STIM1: variants seen among roughly 807,000 people sequenced by gnomAD.
The protein encoded by STIM1 is stromal interaction molecule 1.
Under a neutral mutation model 74.7 loss-of-function variants are expected in STIM1, and 25 were observed. The ratio of observed to expected loss-of-function variants is 0.33; its 90% CI spans 0.24 to 0.47. The LOEUF (loss-of-function observed/expected upper bound fraction) is 0.47, where lower values mean the gene tolerates loss of function less well. Ranked by LOEUF, STIM1 falls within the 20% of genes least tolerant of loss-of-function variation. STIM1 has a pLI of 1.00. For synonymous variants in STIM1, 328 were observed against 348.8 expected (o/e 0.94, Z 0.66); for missense variants, 728 against 920.8 (o/e 0.79, Z 2.71).
chr11:4,050,476 A>G (rs2094230689), intron 3 of STIM1, among the ~76,000 whole-genome samples: 1 of 152,236 alleles, frequency 6.6e-6, no homozygotes. Flanking sequence ...TTAAACTAAA[A>G]GACAGTTTAT....
intron 1 of STIM1, among the ~76,000 whole-genome samples, chr11:3,928,109 C>G (rs185356626): frequency 2.0e-5 from 3 of 152,264 alleles, no homozygotes; most frequent in Admixed American, 2.0e-4. Context: ...ATGGGTACTG[C>G]CAATATGTGT....
intron 1 of STIM1, among the ~76,000 whole-genome samples, chr11:3,879,080 C>T (rs1459988305): frequency 2.6e-5 from 4 of 152,178 alleles, no homozygotes; most frequent in Admixed American, 1.3e-4. Context: ...CTCAGCCTCC[C>T]GAGTAGCTGG....
chr11:4,074,826 A>G (rs2094428374), intron 7 of STIM1, 147 bp downstream of exon 7: 3 of 953,644 alleles, frequency 3.1e-6, no homozygotes, highest in South Asian at 1.7e-5. Context: ...ACCAACAATA[A>G]GAGTTCAAGT....
chr11:3,919,485 G>T (rs570595175), intron 1 of STIM1, among the ~76,000 whole-genome samples: 177 of 152,046 alleles, frequency 1.2e-3, no homozygotes, highest in Non-Finnish European at 1.2e-3. Flanking sequence ...GATTACAGGT[G>T]TGAGCCACCA....
At chr11:3,857,468 T>C (rs940175094) in intron 1 of STIM1, among the ~76,000 whole-genome samples, 1 of 151,916 alleles carries the variant, frequency 6.6e-6, no homozygotes, top group African/African-American at 2.4e-5. Context: ...TGTCTCTCTG[T>C]GTTGTGCAGG....
At chr11:3,894,364 A>G (rs1170389068) in intron 1 of STIM1, among the ~76,000 whole-genome samples, 2 of 152,148 alleles carry the variant, frequency 1.3e-5, no homozygotes, top group Non-Finnish European at 2.9e-5. Context: ...GTCTTACCCT[A>G]GAGCCAGGCT....
chr11:3,954,495 T>C (rs1590597527), intron 1 of STIM1, among the ~76,000 whole-genome samples: 1 of 152,156 alleles, frequency 6.6e-6, no homozygotes, highest in Non-Finnish European at 1.5e-5. Flanking sequence ...AAGATAGACA[T>C]TGAGCAAATT....
chr11:3,976,105 T>A (rs548267260), intron 2 of STIM1, among the ~76,000 whole-genome samples: 2 of 152,302 alleles, frequency 1.3e-5, no homozygotes, highest in African/African-American at 4.8e-5. Context: ...TATGAACGGA[T>A]AAACAGACTA....
intron 2 of STIM1, among the ~76,000 whole-genome samples, chr11:3,992,440 A>C (rs2093625882): frequency 6.6e-6 from 1 of 151,638 alleles, no homozygotes; most frequent in Non-Finnish European, 1.5e-5. Flanking sequence ...AAAATAAAAA[A>C]CCTTTACTTA....
chr11:4,061,867 GA>G (rs1173119601), intron 5 of STIM1, among the ~76,000 whole-genome samples: 5 of 152,150 alleles, frequency 3.3e-5, no homozygotes, highest in Admixed American at 6.5e-5. Context: ...TATGCTAAAT[GA>G]AAGAAGCCAG....
At chr11:4,069,497 C>T (rs773086638) in intron 5 of STIM1, among the ~76,000 whole-genome samples, 2 of 152,174 alleles carry the variant, frequency 1.3e-5, no homozygotes, top group Non-Finnish European at 2.9e-5. Flanking sequence ...GACTTCTGGA[C>T]CTTTCCCTGA....
chr11:4,079,107 C>T lies in STIM1; in HGVS notation c.970-3077C>T, dbSNP rs532250234. On this transcript the variant is annotated intron_variant, in intron 7 of 12. Transcript: ENST00000526596. ...GAGATCGAGATCATCCTGGCTAACA[C>T]GGTGACACCCTGTCTCTACTAAAAA... Among the ~76,000 whole-genome samples the T allele has an allele frequency of 7.5e-4, 114 of 151,954 alleles. 1 individual carries two copies. Among genetic ancestry groups the T allele is most frequent in the African/African-American group, 2.7e-3 (111 of 41,466 alleles).
At chr11:4,066,357 C>T (rs528602945) in intron 5 of STIM1, among the ~76,000 whole-genome samples, 1 of 152,318 alleles carries the variant, frequency 6.6e-6, no homozygotes, top group East Asian at 1.9e-4. Flanking sequence ...CATTTGCCCT[C>T]TATATGCACT....
intron 1 of STIM1, among the ~76,000 whole-genome samples, chr11:3,949,590 A>T (rs2093120399): frequency 6.6e-6 from 1 of 152,196 alleles, no homozygotes; most frequent in Admixed American, 6.5e-5. Context: ...CACACCTATC[A>T]TTACATGGAG....
rs560756284 is a variant in STIM1 at position 3,910,100 on chromosome 11, G to C, written c.139+53691G>C. On this transcript the variant is annotated intron_variant, in intron 1 of 12. Coordinates refer to ENST00000526596, the MANE Select transcript of STIM1 (RefSeq NM_001382567.1). ...GAATTTTAGGGCAAGATGTTTAGGA[G>C]ATAAGGCTAGGGAAACAAGCAGATG... Among the ~76,000 whole-genome samples, 13 of 152,296 alleles carry C rather than the reference G, an allele frequency of 8.5e-5. No homozygotes were observed. In the South Asian group the frequency reaches 1.2e-3, roughly 15 times the overall value.
chr11:3,920,506 C>G (rs1183984388), intron 1 of STIM1, among the ~76,000 whole-genome samples: 2 of 152,062 alleles, frequency 1.3e-5, no homozygotes, highest in Non-Finnish European at 2.9e-5. Context: ...TATCTTGTTA[C>G]TTTTCTGTGA....
chr11:3,926,494 T>C (rs570746436), intron 1 of STIM1, among the ~76,000 whole-genome samples: 1 of 152,250 alleles, frequency 6.6e-6, no homozygotes, highest in South Asian at 2.1e-4. Flanking sequence ...ACCACTGTCT[T>C]AATACATACT....
intron 1 of STIM1, among the ~76,000 whole-genome samples, chr11:3,960,409 G>C (rs1207695058): frequency 6.6e-6 from 1 of 152,154 alleles, no homozygotes; most frequent in Admixed American, 6.5e-5. Flanking sequence ...GAAATCAGTG[G>C]TGATATTAAT....
intron 3 of STIM1, among the ~76,000 whole-genome samples, chr11:4,046,946 T>G (rs1371504507): frequency 1.3e-5 from 2 of 152,160 alleles, no homozygotes; most frequent in African/African-American, 4.8e-5. Flanking sequence ...AGCCACCATG[T>G]CTGGCCAAAT....
Sources: allele counts gnomAD v4.1 joint callset (sites outside exome capture counted in the v4.1 genomes callset), GRCh38; gene constraint gnomAD v4.1.1; transcripts MANE v1.5; gene names NCBI Gene and HGNC (gene_info 2026-07-23, HGNC 2026-07-21).